Variants in ASH1L observed in about 807,000 individuals in gnomAD.
ASH1L encodes the protein ASH1 like histone lysine methyltransferase.
Under a neutral mutation model 269.0 loss-of-function variants are expected in ASH1L, and 23 were observed. The ratio of observed to expected loss-of-function variants is 0.09; its 90% CI spans 0.06 to 0.12. ASH1L has a LOEUF of 0.12. Among genes scored for constraint, ASH1L ranks in the 10% least tolerant of loss-of-function variants. The pLI is 1.00. For synonymous variants in ASH1L, 1,187 were observed against 1,253.5 expected (o/e 0.95, Z 1.12); for missense variants, 2,912 against 3,567.8 (o/e 0.82, Z 4.68).
intron 5 of ASH1L, chr1:155,433,534 C>T: frequency 1.2e-6 from 2 of 1,610,568 alleles, no homozygotes; most frequent in South Asian, 1.1e-5. Context: ...GCACCGTCCC[C>T]CCTGGTGCCG....
chr1:155,352,274 G>T (rs1653992471), intron 17 of ASH1L, among the ~76,000 whole-genome samples: 1 of 132,940 alleles, frequency 7.5e-6, no homozygotes, highest in Non-Finnish European at 1.5e-5. Context: ...ACCAGCCTGG[G>T]CAACATAGCG....
At chr1:155,514,833 AC>A (rs1668391302) in intron 2 of ASH1L, among the ~76,000 whole-genome samples, 1 of 152,084 alleles carries the variant, frequency 6.6e-6, no homozygotes. Context: ...TTTTAACTAC[AC>A]GAGAAGTTGC....
chr1:155,472,692 G>A (rs532724929), intron 3 of ASH1L, among the ~76,000 whole-genome samples: 1 of 152,256 alleles, frequency 6.6e-6, no homozygotes, highest in Non-Finnish European at 1.5e-5. Flanking sequence ...CCAATACTGA[G>A]CCCCAGCCAT....
intron 3 of ASH1L, among the ~76,000 whole-genome samples, chr1:155,477,652 T>C (rs1363869574): frequency 2.6e-5 from 4 of 152,186 alleles, no homozygotes; most frequent in Non-Finnish European, 5.9e-5. Flanking sequence ...CCAAAAGTTA[T>C]GTATATTTCT....
chr1:155,368,780 A>G (rs1655666754), intron 12 of ASH1L, among the ~76,000 whole-genome samples: 2 of 152,200 alleles, frequency 1.3e-5, no homozygotes, highest in African/African-American at 4.8e-5. Flanking sequence ...GGATTTGTTC[A>G]TTTCATCTAA....
At chr1:155,433,892 G>T (rs777473761) in intron 5 of ASH1L, 392 of 1,599,796 alleles carry the variant, frequency 2.5e-4, no homozygotes, top group Non-Finnish European at 3.2e-4. Flanking sequence ...AACCAGTATC[G>T]AGAACCGAGT....
chr1:155,531,383 G>C (rs1396330678), intron 1 of ASH1L, among the ~76,000 whole-genome samples: 2 of 150,470 alleles, frequency 1.3e-5, no homozygotes, highest in East Asian at 3.9e-4. Context: ...TTTTGAAACA[G>C]AGTCTCCCTG....
intron 13 of ASH1L, chr1:155,358,595 G>C (rs1394020414): frequency 2.6e-5 from 4 of 151,920 alleles, no homozygotes; most frequent in Admixed American, 6.6e-5. Flanking sequence ...GGCTGAGGCA[G>C]GAGAATGGCG....
chr1:155,348,003 C>A (rs967831000), intron 19 of ASH1L, 99 bp from the exon 20 acceptor site: 2 of 1,489,286 alleles, frequency 1.3e-6, no homozygotes, highest in Non-Finnish European at 1.8e-6. Flanking sequence ...CTTTACCCTC[C>A]CATTTTGGTT....
At position 155,371,030 on chromosome 1, in the gene ASH1L, C is replaced by T. The variant is rs770006352; in HGVS notation, c.6333-47G>A. The T allele has an allele frequency of 4.7e-6, 7 of 1,503,772 alleles. No individual in the cohort carries two copies. In the African/African-American group the frequency reaches 7.0e-5, roughly 15 times the overall value. The allele number at this position is 1,503,772 out of a possible 1,614,324, so 93.2% of individuals were successfully genotyped here. A position where few individuals can be genotyped will look rare whatever the true frequency, so the allele number is the denominator to read the frequency against. On this transcript the variant is annotated intron_variant, in intron 10 of 27. Coordinates refer to ENST00000392403, the MANE Select transcript of ASH1L (RefSeq NM_018489.3). ...GTACATCAACTTACATGATACATAC[C>T]TTGATGCATCCATTTTTAAATTTTA...
At chr1:155,446,297 TA>T (rs1337506543) in intron 4 of ASH1L, among the ~76,000 whole-genome samples, 2 of 150,322 alleles carry the variant, frequency 1.3e-5, no homozygotes, top group Non-Finnish European at 3.0e-5. Context: ...ATTAATTAAT[TA>T]AATTTTTTTT....
intron 2 of ASH1L, among the ~76,000 whole-genome samples, chr1:155,489,860 C>T (rs1666640574): frequency 6.7e-6 from 1 of 149,802 alleles, no homozygotes; most frequent in African/African-American, 2.4e-5. Context: ...CATCCAATTG[C>T]ATTTTTCTTT....
intron 1 of ASH1L, among the ~76,000 whole-genome samples, chr1:155,556,624 G>A (rs1351983517): frequency 6.6e-6 from 1 of 151,874 alleles, no homozygotes; most frequent in African/African-American, 2.4e-5. Flanking sequence ...TATATTTTTA[G>A]TAGAGACGGG....
chr1:155,407,148 G>A (rs573768883), intron 6 of ASH1L, among the ~76,000 whole-genome samples: 2 of 152,106 alleles, frequency 1.3e-5, no homozygotes, highest in South Asian at 2.1e-4. Flanking sequence ...GCTTGAACCC[G>A]GGAGGCAGAG....
In ASH1L at chr1:155,459,837, A is replaced by T; in HGVS notation, c.5046T>A (p.Pro1682=). Residue 1682 remains proline (P), a synonymous_variant, in exon 4 of 28, where the codon CCT becomes CCA. Transcript: ENST00000392403. ...QRPSESTNCS[P]TRKRSSSEST... is the part of the protein sequence containing the mutation. ...TCTCAGATGAAGACCTTTTCCGGGTAGGGCTACAATTTGTGCTCTCTGATG... is the reference window on the plus strand; with the variant it reads ...TCTCAGATGAAGACCTTTTCCGGGTTGGGCTACAATTTGTGCTCTCTGATG... 6.2e-7 allele frequency: 1 copy of T among 1,613,586 alleles called. No individual in the cohort carries two copies. The highest frequency in any genetic ancestry group is 8.5e-7 in the Non-Finnish European group (1 of 1,179,810).
intron 20 of ASH1L, 51 bp downstream of exon 20, chr1:155,347,605 G>A (rs1159075483): frequency 4.4e-6 from 7 of 1,604,388 alleles, no homozygotes; most frequent in African/African-American, 1.3e-5. Flanking sequence ...CTTTGAATAT[G>A]GTCACCGTGT....
chr1:155,436,411 G>C (rs1444726442), intron 5 of ASH1L, among the ~76,000 whole-genome samples: 1 of 150,032 alleles, frequency 6.7e-6, no homozygotes, highest in Admixed American at 6.7e-5. Flanking sequence ...GGCCGGTCTC[G>C]AACTCCTGAC....
intron 3 of ASH1L, among the ~76,000 whole-genome samples, chr1:155,476,182 C>G (rs1233500271): frequency 1.3e-5 from 2 of 152,058 alleles, no homozygotes; most frequent in Non-Finnish European, 2.9e-5. Flanking sequence ...GTCAGGAGTT[C>G]GAGACCATCC....
Position 155,343,280 on chromosome 1 carries a change from C to A in ASH1L, c.8293+34G>T, listed in dbSNP as rs781782027. 6.3e-7 allele frequency: 1 copy of A among 1,588,438 alleles called. No homozygotes were observed. Among genetic ancestry groups the A allele is most frequent in the East Asian group, 2.2e-5 (1 of 44,688 alleles). On this transcript the variant is annotated intron_variant, in intron 24 of 27. Transcript: ENST00000392403. The surrounding 1 kb of genome is among the most constrained non-coding windows in gnomAD (Gnocchi z 6.1). ...ATCAGCGTGAGCCACTGCACTTGGC[C>A]GAGGTCATTTTTTAACTAGCCCAGA...
Sources: gnomAD v4.1 joint callset for allele counts (sites outside exome capture counted in the v4.1 genomes callset) on GRCh38, gnomAD v4.1.1 for gene constraint, Gnocchi (gnomAD v3.1) non-coding constraint, MANE v1.5 for transcripts, NCBI Gene and HGNC (gene_info 2026-07-23, HGNC 2026-07-21) for gene names.